HAUS7: variants seen among roughly 807,000 people sequenced by gnomAD.
HAUS7 encodes the protein HAUS augmin-like complex subunit 7.
In HAUS7, 3 loss-of-function variants were observed where a neutral mutation model predicts 28.4. The observed-to-expected ratio is 0.11, with a 90% confidence interval of 0.05 to 0.27. The LOEUF is 0.27. Among genes scored for constraint, HAUS7 ranks in the 10% least tolerant of loss-of-function variants. The pLI is 1.00. For synonymous variants in HAUS7, 165 were observed against 132.1 expected, an observed-to-expected ratio of 1.25 and a Z score of -1.71; for missense variants, 284 against 297.3, an observed-to-expected ratio of 0.96 and a Z score of 0.33.
chrX:153,491,855 C>T (rs938951437), intron 1 of HAUS7, among the ~76,000 whole-genome samples: 1 of 113,221 alleles, frequency 8.8e-6, no homozygotes, highest in Non-Finnish European at 1.9e-5. Context: ...GAAGGGGTCT[C>T]CCGGGCTGGG....
intron 2 of HAUS7, among the ~76,000 whole-genome samples, chrX:153,466,264 C>T (rs145617306): frequency 0.017 from 1,876 of 112,787 alleles, 29 homozygotes; most frequent in Non-Finnish European, 0.024. Flanking sequence ...GAGCAGAGGG[C>T]ACTCACCCAG....
intron 2 of HAUS7, among the ~76,000 whole-genome samples, chrX:153,467,746 T>G (rs976508436): frequency 8.9e-6 from 1 of 112,656 alleles, no homozygotes; most frequent in Admixed American, 9.3e-5. Flanking sequence ...ACCCCCCGAC[T>G]GCACGGCCAC....
chrX:153,485,953 C>T, intron 1 of HAUS7: 3 of 974,083 alleles, frequency 3.1e-6, no homozygotes, highest in African/African-American at 2.0e-5. Context: ...TGCAGGCTGA[C>T]GGCATCCACA....
intron 1 of HAUS7, among the ~76,000 whole-genome samples, chrX:153,493,942 A>C (rs781911530): frequency 4.5e-5 from 5 of 111,960 alleles, no homozygotes; most frequent in African/African-American, 1.6e-4. Flanking sequence ...TTTTTCTCTC[A>C]ATATGCAATT....
intron 1 of HAUS7, among the ~76,000 whole-genome samples, chrX:153,469,470 G>C (rs1217193870): frequency 8.9e-6 from 1 of 112,394 alleles, no homozygotes; most frequent in African/African-American, 3.2e-5. Context: ...GGGGATTACA[G>C]GCATGCGCCA....
intron 1 of HAUS7, chrX:153,483,271 G>A: frequency 1.3e-6 from 1 of 751,091 alleles, no homozygotes; most frequent in Non-Finnish European, 1.6e-6. Context: ...CTGGCAGGTG[G>A]GCCCCTCACC....
At position 153,469,127 on chromosome X, in the gene HAUS7, G is replaced by A. The variant is rs782411392; in HGVS notation, c.224+19C>T. On this transcript the variant is annotated intron_variant, in intron 2 of 9. Coordinates refer to ENST00000370211, the MANE Select transcript of HAUS7 (RefSeq NM_001385482.1). ...CCATGCACACCCCAGGTGGGAAGAG[G>A]AAGAAACTGATGCATTACCGGGTAC... 1 of 957,094 alleles carries A rather than the reference G, an allele frequency of 1.0e-6. No homozygotes were observed. Among genetic ancestry groups the A allele is most frequent in the African/African-American group, 1.9e-5 (1 of 52,415 alleles). The allele number at this position is 957,094 out of a possible 1,213,427, so 78.9% of individuals were successfully genotyped here.
chrX:153,468,516 G>A (rs2089481307), intron 2 of HAUS7, among the ~76,000 whole-genome samples: 2 of 112,567 alleles, frequency 1.8e-5, no homozygotes, highest in Non-Finnish European at 3.8e-5. Context: ...GTCTGCCCTG[G>A]GAATGGGACA....
chrX:153,473,008 G>A (rs1016053097), upstream of HAUS7, among the ~76,000 whole-genome samples: 1 of 112,010 alleles, frequency 8.9e-6, no homozygotes, highest in Non-Finnish European at 1.9e-5. Context: ...ACTGGTTCAC[G>A]GCACTGGCCC....
At chrX:153,474,889 G>C (rs1243269119), upstream of HAUS7, among the ~76,000 whole-genome samples, 1 of 111,977 alleles carries the variant, frequency 8.9e-6, no homozygotes, top group African/African-American at 3.2e-5. Flanking sequence ...CCCCTCCGCG[G>C]GGAGACGCTC....
chrX:153,466,514 C>A (rs1000381979), intron 2 of HAUS7, among the ~76,000 whole-genome samples: 27 of 112,293 alleles, frequency 2.4e-4, no homozygotes, highest in African/African-American at 8.7e-4. Flanking sequence ...AGGACCAACA[C>A]TAGGTGCAGC....
At chrX:153,490,563 C>T (rs1881807580) in intron 1 of HAUS7, among the ~76,000 whole-genome samples, 1 of 112,866 alleles carries the variant, frequency 8.9e-6, no homozygotes, top group Non-Finnish European at 1.9e-5. Flanking sequence ...CGCTTCGAGG[C>T]CGCAGGTCAT....
At chrX:153,486,248 C>A (rs1236564504) in intron 1 of HAUS7, among the ~76,000 whole-genome samples, 1 of 112,671 alleles carries the variant, frequency 8.9e-6, no homozygotes, top group African/African-American at 3.2e-5. Context: ...CCACAGGCCG[C>A]AGAGGCCGAG....
intron 1 of HAUS7, among the ~76,000 whole-genome samples, chrX:153,480,115 G>T (rs2089589680): frequency 8.9e-6 from 1 of 111,849 alleles, no homozygotes; most frequent in Admixed American, 9.4e-5. Context: ...GCTCACTAAT[G>T]GGTATGGGGC....
chrX:153,459,488 G>A (rs569094409), intron 4 of HAUS7, among the ~76,000 whole-genome samples: 4 of 111,329 alleles, frequency 3.6e-5, no homozygotes, highest in African/African-American at 9.8e-5. Context: ...ATGAACACCT[G>A]GATTTGGGCA....
intron 1 of HAUS7, among the ~76,000 whole-genome samples, chrX:153,479,077 C>T (rs1400215171): frequency 1.1e-5 from 1 of 93,632 alleles, no homozygotes; most frequent in Non-Finnish European, 2.1e-5. Context: ...GGGGCAAGGT[C>T]GGGGGAGGCG....
At chrX:153,479,326 C>T (rs1556986845) in intron 1 of HAUS7, 1 of 753,165 alleles carries the variant, frequency 1.3e-6, no homozygotes, top group Admixed American at 8.6e-5. Flanking sequence ...AGGGGCCCCA[C>T]CAACCCCCAT....
chrX:153,461,642 C>G (rs1556983385), intron 4 of HAUS7: 1 of 135,657 alleles, frequency 7.4e-6, no homozygotes, highest in African/African-American at 3.1e-5. Flanking sequence ...AAAGACGCTC[C>G]GTATCACTGG....
chrX:153,451,210 C>T (rs1003724762), intron 9 of HAUS7, among the ~76,000 whole-genome samples: 1 of 112,291 alleles, frequency 8.9e-6, no homozygotes, highest in Non-Finnish European at 1.9e-5. Context: ...TTGATCTTAG[C>T]CAAGAAGCGA....
Sources: allele counts gnomAD v4.1 joint callset (sites outside exome capture counted in the v4.1 genomes callset), GRCh38; gene constraint gnomAD v4.1.1; transcripts MANE v1.5; gene names NCBI Gene and HGNC (gene_info 2026-07-23, HGNC 2026-07-21).